ZFAND6: variants seen among roughly 807,000 people sequenced by gnomAD.
ZFAND6 encodes the protein zinc finger AN1-type containing 6.
Under a neutral mutation model 24.5 loss-of-function variants are expected in ZFAND6, and 12 were observed. The ratio of observed to expected loss-of-function variants is 0.49; its 90% confidence interval spans 0.31 to 0.79. ZFAND6 has a LOEUF of 0.79. Ranked by LOEUF, ZFAND6 falls within the 30% of genes least tolerant of loss-of-function variation. The probability of loss-of-function intolerance (pLI) is 0.04; values close to 1 mark genes in which losing one functional copy is unlikely to be tolerated. For synonymous variants in ZFAND6, 92 were observed against 81.5 expected, an observed-to-expected ratio of 1.13 and a Z score of -0.69; for missense variants, 207 against 245.9, an observed-to-expected ratio of 0.84 and a Z score of 1.06.
chr15:80,128,514 C>T (rs1201953614), intron 5 of ZFAND6, among the ~76,000 whole-genome samples: 1 of 152,102 alleles, frequency 6.6e-6, no homozygotes, highest in Non-Finnish European at 1.5e-5. Flanking sequence ...ATAAGGTATT[C>T]CTTGGTCTTA....
At chr15:80,090,796 G>C (rs1295569642) in intron 1 of ZFAND6, among the ~76,000 whole-genome samples, 1 of 152,150 alleles carries the variant, frequency 6.6e-6, no homozygotes, top group Non-Finnish European at 1.5e-5. Context: ...ATGGGATTTT[G>C]AGATACCATT....
rs539391423 is a variant in ZFAND6 at position 80,105,752 on chromosome 15, G to A, written c.-18+7174G>A. Among the ~76,000 whole-genome samples, 4 of 152,266 alleles carry A rather than the reference G, an allele frequency of 2.6e-5. No individual in the cohort carries two copies. In the East Asian group the frequency reaches 7.7e-4, roughly 29 times the overall value. ...TCAAGTTGTCCCTGTATATATAACA[G>A]TTGTTTTGCAGTGATTTGTAGTTAA... On this transcript the variant is annotated intron_variant, in intron 2 of 6. Transcript: ENST00000261749.
intron 1 of ZFAND6, chr15:80,073,391 G>A (rs978654356): frequency 4.3e-5 from 11 of 255,274 alleles, no homozygotes; most frequent in Admixed American, 2.0e-4. Flanking sequence ...TATTTATGAC[G>A]TAATTGTAGT....
chr15:80,109,698 C>T (rs2039511517), intron 2 of ZFAND6, among the ~76,000 whole-genome samples: 1 of 152,090 alleles, frequency 6.6e-6, no homozygotes, highest in Non-Finnish European at 1.5e-5. Context: ...AGTAAGCAGG[C>T]AGTGTGATTG....
intron 6 of ZFAND6, among the ~76,000 whole-genome samples, chr15:80,135,022 C>T (rs1187078858): frequency 6.6e-6 from 1 of 152,166 alleles, no homozygotes; most frequent in Non-Finnish European, 1.5e-5. Context: ...CATAAAGTTA[C>T]ACCAAGTATG....
chr15:80,066,898 C>CA (rs550502301), intron 1 of ZFAND6, among the ~76,000 whole-genome samples: 3,738 of 115,024 alleles, frequency 0.032, 104 homozygotes, highest in African/African-American at 0.077. Flanking sequence ...CTCCATCTCC[C>CA]AAAAAAAAAA....
At chr15:80,074,418 T>G (rs1179773393) in intron 1 of ZFAND6, among the ~76,000 whole-genome samples, 1 of 151,834 alleles carries the variant, frequency 6.6e-6, no homozygotes, top group African/African-American at 2.4e-5. Flanking sequence ...ATATTTTCTT[T>G]CAAGAAAATA....
At chr15:80,123,052 AT>A in intron 5 of ZFAND6, 1 of 374,554 alleles carries the variant, frequency 2.7e-6, no homozygotes, top group Non-Finnish European at 4.9e-6. Context: ...AATTAAATGA[AT>A]GTGTGGCAGT....
chr15:80,085,547 T>C (rs544366852), intron 1 of ZFAND6, among the ~76,000 whole-genome samples: 2 of 152,322 alleles, frequency 1.3e-5, no homozygotes, highest in South Asian at 4.1e-4. Flanking sequence ...GAAATACATA[T>C]TAATTATGGA....
At chr15:80,131,062 G>A in intron 5 of ZFAND6, 118 bp from the exon 6 acceptor site, 1 of 717,388 alleles carries the variant, frequency 1.4e-6, no homozygotes, top group Non-Finnish European at 2.2e-6. Context: ...TTAATGACTA[G>A]TTTTCTGTGC....
At chr15:80,115,791 A>G (rs2039847355) in intron 2 of ZFAND6, among the ~76,000 whole-genome samples, 3 of 152,112 alleles carry the variant, frequency 2.0e-5, no homozygotes, top group Admixed American at 2.0e-4. Flanking sequence ...ACTTGGGAAA[A>G]TTGGTAGTGT....
At chr15:80,097,221 A>T (rs994422492) in intron 1 of ZFAND6, among the ~76,000 whole-genome samples, 64 of 152,012 alleles carry the variant, frequency 4.2e-4, no homozygotes, top group Admixed American at 1.2e-3. Flanking sequence ...GCTGGTCATG[A>T]ACTCCTGACC....
rs200220229 is a variant in ZFAND6 at position 80,101,306 on chromosome 15, AC to A, written c.-18+2729del. ...TGAAACCTCCGTCTCTACTAAAGAT[AC>A]AAAAAATTAGCCGGGCATGGTGGCT... On this transcript the variant is annotated intron_variant, in intron 2 of 6. Coordinates refer to ENST00000261749, the MANE Select transcript of ZFAND6 (RefSeq NM_019006.4). 5.1e-3 allele frequency among the ~76,000 whole-genome samples: 771 copies of A among 152,278 alleles called. 12 individuals carry two copies. In the East Asian group the frequency reaches 0.058, roughly 11 times the overall value.
At chr15:80,065,356 A>T (rs1195513364) in intron 1 of ZFAND6, among the ~76,000 whole-genome samples, 2 of 151,566 alleles carry the variant, frequency 1.3e-5, no homozygotes, top group Non-Finnish European at 2.9e-5. Context: ...TTATTGAAAT[A>T]TCAATGATTT....
chr15:80,115,677 A>T (rs535949041), intron 2 of ZFAND6, among the ~76,000 whole-genome samples: 1 of 152,268 alleles, frequency 6.6e-6, no homozygotes, highest in African/African-American at 2.4e-5. Context: ...AACGATTAAT[A>T]AATAAGACTG....
intron 1 of ZFAND6, among the ~76,000 whole-genome samples, chr15:80,076,238 A>G (rs564700837): frequency 8.5e-5 from 13 of 152,198 alleles, no homozygotes; most frequent in African/African-American, 2.9e-4. Flanking sequence ...TGAGACCCAT[A>G]TTTATCCAGC....
In ZFAND6 at chr15:80,102,132, T is replaced by C. The variant is rs79467837; in HGVS notation, c.-18+3554T>C. Among the ~76,000 whole-genome samples, 3,100 of 151,310 alleles carry C rather than the reference T, an allele frequency of 0.02. 226 individuals carry two copies. In the East Asian group the frequency reaches 0.22, roughly 11 times the overall value. ...TTTAAACAATTTATAAAATTTATTA[T>C]AGTGTAGTTATTTTTATTTTTCATT... On this transcript the variant is annotated intron_variant, in intron 2 of 6. Transcript: ENST00000261749.
chr15:80,090,097 G>A (rs1309687133), intron 1 of ZFAND6, among the ~76,000 whole-genome samples: 5 of 152,124 alleles, frequency 3.3e-5, no homozygotes, highest in Non-Finnish European at 4.4e-5. Context: ...CTGTTTTCCT[G>A]AGTAGCAGCC....
At chr15:80,084,368 T>TTAAGTATATAATGCAAATATTCCAAAA (rs2037865833) in intron 1 of ZFAND6, among the ~76,000 whole-genome samples, 1 of 152,234 alleles carries the variant, frequency 6.6e-6, no homozygotes, top group Non-Finnish European at 1.5e-5. Flanking sequence ...TGCTCAACTG[T>TTAAGTATATAATGCAAATATTCCAAAA]TAAGTATATA....
Sources: gnomAD v4.1 joint callset for allele counts (sites outside exome capture counted in the v4.1 genomes callset) on GRCh38, gnomAD v4.1.1 for gene constraint, MANE v1.5 for transcripts, NCBI Gene and HGNC (gene_info 2026-07-23, HGNC 2026-07-21) for gene names.